The following CSMD3 variants were observed in gnomAD, a reference collection of about 807,000 sequenced individuals.
CSMD3 encodes the protein CUB and Sushi multiple domains 3.
Under a neutral mutation model 435.2 loss-of-function variants are expected in CSMD3, and 177 were observed. That is an observed-to-expected ratio of 0.41 (90% CI 0.36 to 0.46). The LOEUF is 0.46. CSMD3 is among the 20% of genes least tolerant of loss of function. CSMD3 has a pLI of 0.34. For missense variants in CSMD3, 4,265 were observed against 4,504.6 expected, an observed-to-expected ratio of 0.95 and a Z score of 1.52; for synonymous variants, 1,656 against 1,520.5, an observed-to-expected ratio of 1.09 and a Z score of -2.07.
At position 112,554,404 on chromosome 8, in the gene CSMD3, A is replaced by G. The variant is rs149613395; in HGVS notation, c.4235-1684T>C. Among the ~76,000 whole-genome samples, 543 of 152,132 alleles carry G rather than the reference A, an allele frequency of 3.6e-3. 2 individuals carry two copies. The highest frequency in any genetic ancestry group is 0.013 in the African/African-American group (521 of 41,562). On this transcript the variant is annotated intron_variant, in intron 25 of 70. Transcript: ENST00000297405. ...AGTATTTAAGATGTTATCACCATTT[A>G]TGGTTTTTCATTTTTTTCTAACAAA...
At chr8:112,551,013 T>A (rs2131191913) in intron 26 of CSMD3, 140 bp from the exon 27 acceptor site, 1 of 643,896 alleles carries the variant, frequency 1.6e-6, no homozygotes, top group South Asian at 1.8e-5. Context: ...AAACAGCATA[T>A]ATTCTTAATA....
At chr8:112,569,375 C>A (rs531856935) in intron 24 of CSMD3, among the ~76,000 whole-genome samples, 2 of 152,210 alleles carry the variant, frequency 1.3e-5, no homozygotes, top group Admixed American at 6.6e-5. Flanking sequence ...ACAAAATAAA[C>A]CCTGATTGTT....
At chr8:112,307,553 G>T (rs1490784645) in intron 50 of CSMD3, among the ~76,000 whole-genome samples, 1 of 152,056 alleles carries the variant, frequency 6.6e-6, no homozygotes, top group African/African-American at 2.4e-5. Context: ...AAAGTACTGG[G>T]ATTACAGGCG....
chr8:112,279,709 A>T (rs937415292), intron 59 of CSMD3, among the ~76,000 whole-genome samples: 3 of 152,166 alleles, frequency 2.0e-5, no homozygotes, highest in Admixed American at 2.0e-4. Context: ...GGCATGGGAA[A>T]GTTGATTACC....
chr8:112,305,650 T>C (rs1347113303), intron 51 of CSMD3, among the ~76,000 whole-genome samples: 2 of 152,050 alleles, frequency 1.3e-5, no homozygotes, highest in Admixed American at 1.3e-4. Context: ...AAAATCAGAG[T>C]GAAATATGTC....
chr8:112,964,177 T>G (rs1433379845), intron 7 of CSMD3, among the ~76,000 whole-genome samples: 1 of 151,922 alleles, frequency 6.6e-6, no homozygotes, highest in Admixed American at 6.6e-5. Context: ...TATCTATATG[T>G]TAATAAAATA....
chr8:112,806,179 G>C (rs1005814311), intron 12 of CSMD3, among the ~76,000 whole-genome samples: 1 of 152,140 alleles, frequency 6.6e-6, no homozygotes, highest in Non-Finnish European at 1.5e-5. Flanking sequence ...TAATTCCTCG[G>C]ATCCTTTTAT....
intron 10 of CSMD3, among the ~76,000 whole-genome samples, chr8:112,866,295 C>G (rs1369733999): frequency 6.6e-6 from 1 of 151,956 alleles, no homozygotes; most frequent in Non-Finnish European, 1.5e-5. Flanking sequence ...CTTTTTTTAA[C>G]TTGTAAACTT....
intron 45 of CSMD3, among the ~76,000 whole-genome samples, chr8:112,320,766 A>G (rs1324718283): frequency 6.6e-6 from 1 of 151,928 alleles, no homozygotes; most frequent in Non-Finnish European, 1.5e-5. Flanking sequence ...AAAACTGTTA[A>G]AGAGAGTTAA....
intron 32 of CSMD3, among the ~76,000 whole-genome samples, chr8:112,436,174 A>G (rs1814321459): frequency 6.6e-6 from 1 of 151,896 alleles, no homozygotes; most frequent in Admixed American, 6.6e-5. Context: ...AGAAATCTAA[A>G]TTTTAATTGC....
At chr8:112,870,510 T>C (rs1330042826) in intron 10 of CSMD3, among the ~76,000 whole-genome samples, 1 of 151,864 alleles carries the variant, frequency 6.6e-6, no homozygotes, top group Non-Finnish European at 1.5e-5. Context: ...TCTTCTGACC[T>C]TGTGATCCAC....
chr8:112,578,382 G>A (rs562777523), intron 23 of CSMD3, among the ~76,000 whole-genome samples: 2 of 152,018 alleles, frequency 1.3e-5, no homozygotes, highest in South Asian at 4.1e-4. Flanking sequence ...AAGTTCTGCA[G>A]CTTATTACAA....
intron 13 of CSMD3, among the ~76,000 whole-genome samples, chr8:112,751,089 G>C (rs1206025642): frequency 6.6e-6 from 1 of 150,934 alleles, no homozygotes; most frequent in Non-Finnish European, 1.5e-5. Flanking sequence ...AAAAAAAATA[G>C]AATTATTTTG....
intron 1 of CSMD3, among the ~76,000 whole-genome samples, chr8:113,429,862 A>G (rs1336620205): frequency 6.6e-6 from 1 of 152,164 alleles, no homozygotes; most frequent in Admixed American, 6.5e-5. Context: ...ATTTGCGCTT[A>G]TTGTAAAATA....
intron 32 of CSMD3, among the ~76,000 whole-genome samples, chr8:112,461,047 G>T (rs1392253882): frequency 1.3e-5 from 2 of 151,994 alleles, no homozygotes; most frequent in Non-Finnish European, 2.9e-5. Context: ...GCAAATGTTA[G>T]CCTTTGTTAA....
At chr8:112,391,373 A>T (rs1830395647) in intron 35 of CSMD3, among the ~76,000 whole-genome samples, 1 of 152,178 alleles carries the variant, frequency 6.6e-6, no homozygotes, top group African/African-American at 2.4e-5. Flanking sequence ...TGGAGTCATT[A>T]AGAGATTGTC....
Position 112,406,557 on chromosome 8 carries a change from C to A in CSMD3, c.5776G>T (p.Ala1926Ser), listed in dbSNP as rs1285621248. The change falls in exon 35 of 71, where the codon GCC becomes TCC. Residue 1926 changes from alanine (A) to serine (S), a missense_variant. Physicochemically the swap from Ala to Ser is moderately conservative, Grantham distance 99. Coordinates refer to ENST00000297405, the MANE Select transcript of CSMD3 (RefSeq NM_198123.2). ...GTAGGTAAGGAATCATTCCACTGGG[C>A]CAAAGAATTGGGCACTGTTTCACAC... ...IRCETVPNSL[A>S]QWNDSLPTCI... 3 of 1,611,476 alleles carry A rather than the reference C, an allele frequency of 1.9e-6. No homozygotes were observed. The highest frequency in any genetic ancestry group is 2.7e-5 in the African/African-American group (2 of 74,832).
intron 1 of CSMD3, among the ~76,000 whole-genome samples, chr8:113,326,645 C>T (rs528169070): frequency 6.6e-6 from 1 of 152,100 alleles, no homozygotes; most frequent in South Asian, 2.1e-4. Context: ...TGTATGTCTC[C>T]TCATTTGGAT....
At chr8:113,059,716 T>A (rs972844072) in intron 5 of CSMD3, among the ~76,000 whole-genome samples, 2 of 152,130 alleles carry the variant, frequency 1.3e-5, no homozygotes, top group Non-Finnish European at 2.9e-5. Context: ...TTTAAAGATA[T>A]CAGCTATTTC....
Sources: allele counts gnomAD v4.1 joint callset (sites outside exome capture counted in the v4.1 genomes callset), GRCh38; gene constraint gnomAD v4.1.1; transcripts MANE v1.5; gene names NCBI Gene and HGNC (gene_info 2026-07-23, HGNC 2026-07-21).